TENM3: variants seen among roughly 807,000 people sequenced by gnomAD.
TENM3 encodes teneurin transmembrane protein 3.
Under a neutral mutation model 255.1 loss-of-function variants are expected in TENM3, and 63 were observed. The ratio of observed to expected loss-of-function variants is 0.25; its 90% CI spans 0.20 to 0.30. The LOEUF (loss-of-function observed/expected upper bound fraction) is 0.30. TENM3 is among the 10% of genes least tolerant of loss of function. TENM3 has a pLI of 1.00. For synonymous variants in TENM3, 1,306 were observed against 1,322.3 expected (o/e 0.99, Z 0.27); for missense variants, 2,929 against 3,461.1 (o/e 0.85, Z 3.86).
the TENM3 span, among the ~76,000 whole-genome samples, chr4:181,664,791 T>A: frequency 6.6e-6 from 1 of 152,208 alleles, no homozygotes; most frequent in African/African-American, 2.4e-5. Flanking sequence ...CTGTGCAAGC[T>A]GCACATTGAC....
the TENM3 span, among the ~76,000 whole-genome samples, chr4:182,116,691 G>A: frequency 3.3e-5 from 5 of 152,276 alleles, no homozygotes; most frequent in Admixed American, 6.5e-5. Context: ...TCACAGCAGC[G>A]TGAGAACAGA....
the TENM3 span, among the ~76,000 whole-genome samples, chr4:181,595,444 A>AC: frequency 1.5e-5 from 2 of 129,528 alleles, no homozygotes; most frequent in African/African-American, 5.7e-5. Flanking sequence ...AAAAAAAAAA[A>AC]AAAAAAAAAA....
At chr4:181,856,965 A>G in the TENM3 span, among the ~76,000 whole-genome samples, 2 of 152,258 alleles carry the variant, frequency 1.3e-5, no homozygotes, top group South Asian at 4.2e-4. Context: ...TATTCATTTG[A>G]CAGATAGTTA....
At chr4:181,950,551 G>A in the TENM3 span, among the ~76,000 whole-genome samples, 1 of 152,158 alleles carries the variant, frequency 6.6e-6, no homozygotes, top group African/African-American at 2.4e-5. Flanking sequence ...GAAGCTCCAT[G>A]AAGGCACTTG....
intron 3 of TENM3, among the ~76,000 whole-genome samples, chr4:182,451,294 C>T (rs1417545812): frequency 6.6e-6 from 1 of 152,020 alleles, no homozygotes; most frequent in Non-Finnish European, 1.5e-5. Context: ...TAATTCTTCT[C>T]GAAGATTTAG....
At chr4:182,169,219 G>A in intron 1 of TENM3, 1 of 466,556 alleles carries the variant, frequency 2.1e-6, no homozygotes. Flanking sequence ...GAAGCCTGCA[G>A]TCTGGCGAGT....
At chr4:182,100,678 TACAC>T in the TENM3 span, among the ~76,000 whole-genome samples, 1 of 34,186 alleles carries the variant, frequency 2.9e-5, no homozygotes, top group Admixed American at 4.6e-4. Flanking sequence ...CACATATATA[TACAC>T]ACATATATAT....
the TENM3 span, among the ~76,000 whole-genome samples, chr4:181,565,880 G>A: frequency 2.0e-5 from 3 of 152,146 alleles, no homozygotes; most frequent in Admixed American, 2.0e-4. Flanking sequence ...CATTAATAAA[G>A]TTTAGACAGG....
At chr4:181,794,445 A>G in the TENM3 span, among the ~76,000 whole-genome samples, 1 of 152,058 alleles carries the variant, frequency 6.6e-6, no homozygotes, top group Admixed American at 6.6e-5. Context: ...ATCTTCCTAC[A>G]TGTCCCACAT....
intron 3 of TENM3, among the ~76,000 whole-genome samples, chr4:182,392,709 A>G (rs980118585): frequency 1.1e-4 from 16 of 152,164 alleles, no homozygotes; most frequent in African/African-American, 3.9e-4. Flanking sequence ...GGCAGGTGTG[A>G]ACAGTAGAGA....
intron 3 of TENM3, among the ~76,000 whole-genome samples, chr4:182,393,414 A>G (rs1288948858): frequency 1.3e-5 from 2 of 152,246 alleles, no homozygotes; most frequent in Non-Finnish European, 2.9e-5. Context: ...CAGGAGGGAA[A>G]TAACATATAG....
At chr4:182,552,251 C>T (rs563769307) in intron 3 of TENM3, among the ~76,000 whole-genome samples, 53 of 152,120 alleles carry the variant, frequency 3.5e-4, no homozygotes, top group Non-Finnish European at 6.5e-4. Context: ...GCCTGGGCAA[C>T]GTAGTAGATG....
At position 182,650,111 on chromosome 4, in the gene TENM3, A is replaced by G. The variant is rs564327213; in HGVS notation, c.989-3660A>G. Among the ~76,000 whole-genome samples the G allele has an allele frequency of 1.3e-3, 192 of 150,708 alleles. 10 individuals are homozygous for G. The highest frequency in any genetic ancestry group is 2.5e-3 in the Non-Finnish European group (170 of 67,376). On this transcript the variant is annotated intron_variant, in intron 5 of 27. Transcript: ENST00000511685. ...CTTTGTGAAGATTAGAGATAATACC[A>G]ATGAAGTACTAGTACAGTTCCTGAC...
At position 182,799,232 on chromosome 4, in the gene TENM3, A is replaced by G. The variant is rs1045648948; in HGVS notation, c.7345-364A>G. 2.6e-5 allele frequency among the ~76,000 whole-genome samples: 4 copies of G among 152,218 alleles called. No homozygotes were observed. The highest frequency in any genetic ancestry group is 5.9e-5 in the Non-Finnish European group (4 of 68,030). On this transcript the variant is annotated intron_variant, in intron 27 of 27. Transcript: ENST00000511685. The surrounding 1 kb of genome is among the most constrained non-coding windows in gnomAD (Gnocchi z 4.2). ...TGGCTTCTCAGCCTCCTGTGGAGAA[A>G]GCTACGAGCATGCAGATCCGGATGA...
chr4:181,453,637 T>A, the TENM3 span, among the ~76,000 whole-genome samples: 1 of 151,808 alleles, frequency 6.6e-6, no homozygotes, highest in Non-Finnish European at 1.5e-5. Context: ...CCAAAGACGA[T>A]GAAGAAATGA....
At chr4:182,180,594 G>A (rs1752779711) in intron 1 of TENM3, among the ~76,000 whole-genome samples, 1 of 150,634 alleles carries the variant, frequency 6.6e-6, no homozygotes, top group Non-Finnish European at 1.5e-5. Flanking sequence ...AATATATTCA[G>A]TTCACTATGC....
chr4:182,239,522 C>A (rs1405869171), upstream of TENM3, among the ~76,000 whole-genome samples: 3 of 152,140 alleles, frequency 2.0e-5, no homozygotes, highest in Admixed American at 2.0e-4. Flanking sequence ...ATACTACAGT[C>A]TAACATTTAG....
At chr4:182,459,788 T>G (rs1295572219) in intron 3 of TENM3, among the ~76,000 whole-genome samples, 1 of 152,210 alleles carries the variant, frequency 6.6e-6, no homozygotes, top group Non-Finnish European at 1.5e-5. Context: ...TAGTCATTAA[T>G]ACTGATTAAT....
intron 1 of TENM3, among the ~76,000 whole-genome samples, chr4:182,267,239 C>T (rs62354185): frequency 0.1 from 15,894 of 152,040 alleles, 1,032 homozygotes; most frequent in Middle Eastern, 0.23. Context: ...TGCCTATGAA[C>T]AAAATTTAAG....
Sources: gnomAD v4.1 joint callset for allele counts (sites outside exome capture counted in the v4.1 genomes callset) on GRCh38, gnomAD v4.1.1 for gene constraint, Gnocchi (gnomAD v3.1) non-coding constraint, MANE v1.5 for transcripts, NCBI Gene and HGNC (gene_info 2026-07-23, HGNC 2026-07-21) for gene names.